The following CNTN4 variants were observed in gnomAD, a reference collection of about 807,000 sequenced individuals.
CNTN4 encodes contactin 4, also known as contactin-4.
In CNTN4, 77 loss-of-function variants were observed where a neutral mutation model predicts 122.5. The ratio of observed to expected loss-of-function variants is 0.63; its 90% CI spans 0.52 to 0.76. The LOEUF (loss-of-function observed/expected upper bound fraction) is 0.76. Ranked by LOEUF, CNTN4 falls within the 30% of genes least tolerant of loss-of-function variation. The probability of loss-of-function intolerance (pLI) is 0.00; values close to 1 mark genes in which losing one functional copy is unlikely to be tolerated. For missense variants in CNTN4, 1,256 were observed against 1,259.1 expected (o/e 1.00, Z 0.04); for synonymous variants, 512 against 447.0 (o/e 1.15, Z -1.83).
intron 3 of CNTN4, among the ~76,000 whole-genome samples, chr3:2,482,603 T>C (rs918012364): frequency 9.9e-5 from 15 of 152,118 alleles, no homozygotes; most frequent in Non-Finnish European, 1.9e-4. Flanking sequence ...AAGGGAAATA[T>C]GGTTTCCTTG....
chr3:2,484,621 ACC>A (rs1172855312), intron 3 of CNTN4, among the ~76,000 whole-genome samples: 1 of 151,756 alleles, frequency 6.6e-6, no homozygotes, highest in African/African-American at 2.4e-5. Context: ...CTGAACTGTC[ACC>A]CAGAAGGCTG....
In CNTN4 at chr3:2,651,745, C is replaced by T. The variant is rs2083369896; in HGVS notation, c.55+80187C>T. On this transcript the variant is annotated intron_variant, in intron 4 of 24. Coordinates refer to ENST00000418658, the MANE Select transcript of CNTN4 (RefSeq NM_175607.3). ...TGAGACGGAGTCTCACTCTGTTGCC[C>T]AGGCTAGAGGGCAGTGGTGCTATCT... is the stretch of plus-strand genomic sequence containing the variant. 2.0e-5 allele frequency among the ~76,000 whole-genome samples: 3 copies of T among 151,430 alleles called. No homozygotes were observed. In the South Asian group the frequency reaches 6.3e-4, roughly 32 times the overall value.
intron 13 of CNTN4, among the ~76,000 whole-genome samples, chr3:2,935,326 G>T (rs139315042): frequency 6.6e-5 from 10 of 152,150 alleles, no homozygotes; most frequent in African/African-American, 2.4e-4. Flanking sequence ...CAATCTAAAG[G>T]TAACATTTGA....
At chr3:2,488,944 G>A (rs13077390) in intron 3 of CNTN4, among the ~76,000 whole-genome samples, 1,646 of 152,164 alleles carry the variant, frequency 0.011, 16 homozygotes, top group Non-Finnish European at 0.018. Context: ...TAGATAAAAA[G>A]GAATGATAAA....
At chr3:2,277,114 T>G (rs1342971600) in intron 2 of CNTN4, among the ~76,000 whole-genome samples, 2 of 152,176 alleles carry the variant, frequency 1.3e-5, no homozygotes, top group Non-Finnish European at 2.9e-5. Flanking sequence ...GAGGGAGATA[T>G]GTGTTTTAGA....
chr3:2,798,385 CTATCTATA>C (rs1389418919), intron 6 of CNTN4, among the ~76,000 whole-genome samples: 49 of 150,852 alleles, frequency 3.2e-4, no homozygotes, highest in African/African-American at 1.1e-3. Context: ...ATCTATCTAT[CTATCTATA>C]TATCTATCTA....
intron 3 of CNTN4, among the ~76,000 whole-genome samples, chr3:2,559,176 G>A (rs1157040): frequency 0.027 from 4,120 of 152,198 alleles, 127 homozygotes; most frequent in South Asian, 0.13. Context: ...ATATAAGAGG[G>A]AAAAAAGTCC....
intron 3 of CNTN4, among the ~76,000 whole-genome samples, chr3:2,561,400 A>G (rs968505516): frequency 2.0e-5 from 3 of 152,154 alleles, no homozygotes; most frequent in African/African-American, 7.2e-5. Context: ...GTACCCAGAA[A>G]GCATGGGAAA....
chr3:2,928,881 G>T (rs1038337206), intron 13 of CNTN4, among the ~76,000 whole-genome samples: 2 of 152,268 alleles, frequency 1.3e-5, no homozygotes, highest in South Asian at 2.1e-4. Flanking sequence ...TGGTGATATT[G>T]TAGTTAGCTA....
At chr3:2,446,988 G>C (rs1479667128) in intron 3 of CNTN4, among the ~76,000 whole-genome samples, 1 of 152,142 alleles carries the variant, frequency 6.6e-6, no homozygotes, top group African/African-American at 2.4e-5. Flanking sequence ...AGAACAACAT[G>C]AACGGCAAAG....
chr3:2,584,697 CAAAAAAAAAAAAAAAAAA>C, intron 4 of CNTN4, among the ~76,000 whole-genome samples: 1 of 73,122 alleles, frequency 1.4e-5, no homozygotes, highest in Non-Finnish European at 2.5e-5. Context: ...AACTCCGTCT[CAAAAAAAAAAAAAAAAAA>C]AAAAAAGAAT....
intron 8 of CNTN4, among the ~76,000 whole-genome samples, chr3:2,878,279 G>A (rs951753645): frequency 6.6e-6 from 1 of 152,138 alleles, no homozygotes; most frequent in African/African-American, 2.4e-5. Context: ...AGTAAAGAAT[G>A]ATCTTAAGTG....
chr3:2,921,456 C>T (rs2094429434), intron 12 of CNTN4, among the ~76,000 whole-genome samples: 1 of 152,138 alleles, frequency 6.6e-6, no homozygotes, highest in Non-Finnish European at 1.5e-5. Context: ...AATTTGGGGT[C>T]TCATAATCTG....
At chr3:2,524,698 T>A (rs573726557) in intron 3 of CNTN4, among the ~76,000 whole-genome samples, 21 of 152,226 alleles carry the variant, frequency 1.4e-4, no homozygotes, top group African/African-American at 4.3e-4. Flanking sequence ...GTCCATCTCC[T>A]CTGTCTTCAG....
intron 4 of CNTN4, among the ~76,000 whole-genome samples, chr3:2,692,292 G>A (rs928421368): frequency 6.6e-6 from 1 of 152,138 alleles, no homozygotes; most frequent in African/African-American, 2.4e-5. Flanking sequence ...TTTCGGAAAA[G>A]CGATGAAAAC....
At position 2,866,892 on chromosome 3, in the gene CNTN4, A is replaced by C; in HGVS notation, c.595A>C (p.Thr199Pro). The C allele has an allele frequency of 1.2e-6, 2 of 1,614,060 alleles. No homozygotes were observed. Among genetic ancestry groups the C allele is most frequent in the Non-Finnish European group, 1.7e-6 (2 of 1,179,930 alleles). Residue 199 changes from threonine to proline, a missense_variant, in exon 8 of 25, where the codon ACC (threonine) becomes CCC (proline). Physicochemically the swap from Thr to Pro is conservative, Grantham distance 38. Transcript: ENST00000418658. ...GAATTATACCTGTGTGGTTACCAAT[A>C]CCGTGACAAACCACAAGGTCCTGGG... ...VGNYTCVVTN[T>P]VTNHKVLGPP...
chr3:2,191,111 G>C (rs999763648), intron 2 of CNTN4, among the ~76,000 whole-genome samples: 1 of 151,888 alleles, frequency 6.6e-6, no homozygotes, highest in Non-Finnish European at 1.5e-5. Context: ...ATTTGGTTTT[G>C]AAGAGATGGG....
intron 2 of CNTN4, among the ~76,000 whole-genome samples, chr3:2,330,975 A>T (rs532814621): frequency 6.6e-6 from 1 of 152,314 alleles, no homozygotes; most frequent in East Asian, 1.9e-4. Flanking sequence ...ACAGTTGTGG[A>T]ATGTCAAAAA....
chr3:2,655,431 G>T (rs1252814395), intron 4 of CNTN4, among the ~76,000 whole-genome samples: 1 of 152,126 alleles, frequency 6.6e-6, no homozygotes. Flanking sequence ...GATAGTGAAA[G>T]TTTCTCTGCT....
Sources: allele counts gnomAD v4.1 joint callset (sites outside exome capture counted in the v4.1 genomes callset), GRCh38; gene constraint gnomAD v4.1.1; transcripts MANE v1.5; gene names NCBI Gene and HGNC (gene_info 2026-07-23, HGNC 2026-07-21).